INPP4B: variants seen among roughly 807,000 people sequenced by gnomAD.
INPP4B encodes inositol polyphosphate 4-phosphatase type II.
Under a neutral mutation model 122.5 loss-of-function variants are expected in INPP4B, and 55 were observed. The observed-to-expected ratio is 0.45, with a 90% CI of 0.36 to 0.56. The LOEUF is 0.56. Ranked by LOEUF, INPP4B falls within the 20% of genes least tolerant of loss-of-function variation. The probability of loss-of-function intolerance (pLI) is 0.00; values close to 1 mark genes in which losing one functional copy is unlikely to be tolerated. For missense variants in INPP4B, 1,000 were observed against 1,097.7 expected, an observed-to-expected ratio of 0.91 and a Z score of 1.26; for synonymous variants, 403 against 388.7, an observed-to-expected ratio of 1.04 and a Z score of -0.43.
chr4:142,730,961 T>TC (rs958217622), intron 1 of INPP4B, among the ~76,000 whole-genome samples: 2 of 85,272 alleles, frequency 2.3e-5, no homozygotes, highest in African/African-American at 4.1e-5. Flanking sequence ...ACCAAGTTTT[T>TC]TTTTAAATTT....
chr4:142,252,480 G>A lies in INPP4B; in HGVS notation c.688+8012C>T, dbSNP rs577914583. 5.3e-4 allele frequency among the ~76,000 whole-genome samples: 80 copies of A among 152,152 alleles called. No homozygotes were observed. In the South Asian group the frequency reaches 0.014, roughly 26 times the overall value. The stretch of plus-strand genomic sequence containing the variant: ...TGGGATTACAGGCGTGAGCCACCGC[G>A]CCCGGCCAGTAGTCATTATTTACTA... On this transcript the variant is annotated intron_variant, in intron 11 of 25. Transcript: ENST00000262992.
At chr4:142,151,442 C>T (rs931434537) in intron 17 of INPP4B, among the ~76,000 whole-genome samples, 5 of 152,160 alleles carry the variant, frequency 3.3e-5, no homozygotes, top group African/African-American at 1.2e-4. Flanking sequence ...AAATACCTGA[C>T]CTTCATCTCC....
At position 142,112,615 on chromosome 4, in the gene INPP4B, C is replaced by T. The variant is rs775041987; in HGVS notation, c.2203G>A (p.Glu735Lys). The part of the protein sequence containing the change: ...MFESLPLQIK[E>K]GQLLHVYPVL... ...GGATACACATGAAGCAACTGTCCTTCTTTAATCTGTAGAGGTAGTGACTCA... is the reference window on the plus strand; with the variant it reads ...GGATACACATGAAGCAACTGTCCTTTTTTAATCTGTAGAGGTAGTGACTCA... The change falls in exon 22 of 26, where the codon GAA (glutamate) becomes AAA (lysine). Residue 735 changes from glutamate (E) to lysine (K), a missense_variant. Transcript: ENST00000262992. 14 of 1,613,124 alleles carry T rather than the reference C, an allele frequency of 8.7e-6. No individual in the cohort carries two copies. In the East Asian group the frequency reaches 2.9e-4, roughly 33 times the overall value.
At chr4:142,381,462 A>T (rs1223716953) in intron 7 of INPP4B, among the ~76,000 whole-genome samples, 1 of 152,082 alleles carries the variant, frequency 6.6e-6, no homozygotes, top group Non-Finnish European at 1.5e-5. Flanking sequence ...TCTATATATT[A>T]TAGAGATTAA....
intron 2 of INPP4B, among the ~76,000 whole-genome samples, chr4:142,589,655 T>C (rs1580442451): frequency 6.6e-6 from 1 of 152,120 alleles, no homozygotes; most frequent in Admixed American, 6.5e-5. Context: ...AGATCAACAG[T>C]AGTTTACACT....
At chr4:142,784,372 T>G (rs1341149980) in intron 1 of INPP4B, among the ~76,000 whole-genome samples, 1 of 128,934 alleles carries the variant, frequency 7.8e-6, no homozygotes, top group Non-Finnish European at 1.6e-5. Flanking sequence ...CAAAAATAAA[T>G]AAATAAATAA....
chr4:142,388,188 A>C (rs545118342), intron 7 of INPP4B, among the ~76,000 whole-genome samples: 1 of 152,320 alleles, frequency 6.6e-6, no homozygotes, highest in Admixed American at 6.5e-5. Context: ...TGAGGCTTGC[A>C]GGTTTCACCT....
At chr4:142,692,365 C>T (rs966816212) in intron 2 of INPP4B, among the ~76,000 whole-genome samples, 21 of 152,002 alleles carry the variant, frequency 1.4e-4, no homozygotes, top group Non-Finnish European at 1.0e-4. Context: ...TTCTATTTGC[C>T]GACAAGATTT....
chr4:142,521,439 T>A (rs1252156288), intron 2 of INPP4B, among the ~76,000 whole-genome samples: 2 of 152,054 alleles, frequency 1.3e-5, no homozygotes, highest in African/African-American at 4.8e-5. Flanking sequence ...AAACCTTTGT[T>A]AAATTTTCTA....
chr4:142,196,427 A>T (rs976377934), intron 14 of INPP4B, among the ~76,000 whole-genome samples: 1 of 152,110 alleles, frequency 6.6e-6, no homozygotes, highest in Admixed American at 6.6e-5. Context: ...TTCCTTCCTG[A>T]TTCCCTGTGA....
chr4:142,726,778 C>T (rs1765396276), intron 1 of INPP4B, among the ~76,000 whole-genome samples: 2 of 152,310 alleles, frequency 1.3e-5, no homozygotes, highest in Middle Eastern at 3.4e-3. Flanking sequence ...GCAATCACTA[C>T]ATCTTACCAA....
At chr4:142,254,963 G>C (rs1265396201) in intron 11 of INPP4B, among the ~76,000 whole-genome samples, 4 of 152,050 alleles carry the variant, frequency 2.6e-5, no homozygotes, top group Non-Finnish European at 4.4e-5. Flanking sequence ...AGAAAGGTCG[G>C]GTTACCCTCA....
chr4:142,640,332 G>A (rs766744457), intron 2 of INPP4B, among the ~76,000 whole-genome samples: 1 of 151,978 alleles, frequency 6.6e-6, no homozygotes, highest in African/African-American at 2.4e-5. Flanking sequence ...AAATTATGTG[G>A]TACTGGTACA....
chr4:142,398,796 C>T (rs935081598), intron 7 of INPP4B, among the ~76,000 whole-genome samples: 2 of 152,020 alleles, frequency 1.3e-5, no homozygotes, highest in African/African-American at 2.4e-5. Flanking sequence ...GTTTCAAATA[C>T]AGGGTTGCTA....
At chr4:142,692,992 T>G (rs1760442930) in intron 2 of INPP4B, among the ~76,000 whole-genome samples, 2 of 146,372 alleles carry the variant, frequency 1.4e-5, no homozygotes, top group African/African-American at 2.6e-5. Flanking sequence ...TAGTAAATTC[T>G]AACAACTTGA....
intron 9 of INPP4B, among the ~76,000 whole-genome samples, chr4:142,288,678 T>C (rs1340991126): frequency 1.3e-5 from 2 of 152,138 alleles, no homozygotes; most frequent in Admixed American, 6.5e-5. Flanking sequence ...CCTCGCTTTA[T>C]ACATTTTCTT....
chr4:142,784,907 C>T (rs1013675162), intron 1 of INPP4B, among the ~76,000 whole-genome samples: 10 of 151,830 alleles, frequency 6.6e-5, no homozygotes, highest in East Asian at 1.9e-4. Flanking sequence ...TCACTTACAG[C>T]GATAACAAAA....
At chr4:142,119,051 A>G (rs1361329668) in intron 21 of INPP4B, among the ~76,000 whole-genome samples, 1 of 152,250 alleles carries the variant, frequency 6.6e-6, no homozygotes, top group Non-Finnish European at 1.5e-5. Flanking sequence ...AAATATGCTC[A>G]TCATCACTGG....
intron 22 of INPP4B, among the ~76,000 whole-genome samples, chr4:142,109,998 C>T (rs1174152709): frequency 6.6e-6 from 1 of 152,080 alleles, no homozygotes; most frequent in Non-Finnish European, 1.5e-5. Flanking sequence ...GAAATATATT[C>T]TTCTAATGTT....
Sources: allele counts gnomAD v4.1 joint callset (sites outside exome capture counted in the v4.1 genomes callset), GRCh38; gene constraint gnomAD v4.1.1; transcripts MANE v1.5; gene names NCBI Gene and HGNC (gene_info 2026-07-23, HGNC 2026-07-21).